The following ABHD3 variants were observed in gnomAD, a reference collection of about 807,000 sequenced individuals.
ABHD3 encodes phospholipase ABHD3.
ABHD3 carries 46 observed loss-of-function variants against 48.8 expected under a neutral mutation model. That is an observed-to-expected ratio of 0.94 (90% CI 0.74 to 1.20). ABHD3 has a LOEUF of 1.20. ABHD3 is among the 50% of genes most tolerant of loss of function. The pLI, the probability that ABHD3 is intolerant of heterozygous loss-of-function variation, is 0.00. For synonymous variants in ABHD3, 192 were observed against 183.7 expected (o/e 1.04, Z -0.36); for missense variants, 490 against 497.8 (o/e 0.98, Z 0.15).
At chr18:21,652,165 A>G (rs1259102313) in intron 8 of ABHD3, among the ~76,000 whole-genome samples, 1 of 152,142 alleles carries the variant, frequency 6.6e-6, no homozygotes, top group East Asian at 1.9e-4. Flanking sequence ...TCTTTGTGAG[A>G]GTTAGAAATT....
chr18:21,658,005 C>G (rs953287808), intron 6 of ABHD3, among the ~76,000 whole-genome samples: 3 of 152,066 alleles, frequency 2.0e-5, no homozygotes, highest in Non-Finnish European at 2.9e-5. Flanking sequence ...AGAGACCAGC[C>G]TGGGCAACAT....
intron 5 of ABHD3, among the ~76,000 whole-genome samples, chr18:21,660,461 A>G (rs2039466497): frequency 6.6e-6 from 1 of 152,128 alleles, no homozygotes; most frequent in Non-Finnish European, 1.5e-5. Flanking sequence ...TTGTTCTACT[A>G]ATTTTCTTGA....
At chr18:21,657,492 C>T (rs1267476706) in intron 6 of ABHD3, among the ~76,000 whole-genome samples, 1 of 151,906 alleles carries the variant, frequency 6.6e-6, no homozygotes, top group Non-Finnish European at 1.5e-5. Flanking sequence ...GTGTGCACCA[C>T]CACACCCCAC....
At chr18:21,661,102 T>TAAAAAAAAAAAAAAAAAAAAAAAAAACA (rs35710540) in intron 5 of ABHD3, among the ~76,000 whole-genome samples, 1 of 57,226 alleles carries the variant, frequency 1.7e-5, no homozygotes, top group Non-Finnish European at 3.2e-5. Context: ...AACTACAAGC[T>TAAAAAAAAAAAAAAAAAAAAAAAAAACA]AAAAAAAAAA....
rs1251791556 is a variant in ABHD3 at position 21,664,243 on chromosome 18, A to T, written c.556-13T>A. ...AAGTCCTTGGCGTCTGGAAGTAGTG[A>T]CAAGTAAAGCACAAAAATTACAATG... is the stretch of plus-strand genomic sequence containing the variant. On this transcript the variant is annotated splice_polypyrimidine_tract_variant and intron_variant, in intron 4 of 8. Transcript: ENST00000289119. The T allele has an allele frequency of 6.2e-7, 1 of 1,601,860 alleles. No homozygotes were observed. Among genetic ancestry groups the T allele is most frequent in the Admixed American group, 1.8e-5 (1 of 56,062 alleles).
chr18:21,661,508 G>A (rs745976837), intron 5 of ABHD3, among the ~76,000 whole-genome samples: 1 of 151,776 alleles, frequency 6.6e-6, no homozygotes, highest in Non-Finnish European at 1.5e-5. Flanking sequence ...GTGGGCGCCC[G>A]TAATCCTAGC....
chr18:21,673,781 G>C (rs903774835), intron 4 of ABHD3: 1 of 150,796 alleles, frequency 6.6e-6, no homozygotes, highest in Admixed American at 6.6e-5. Context: ...AATTTTTGTA[G>C]TTTTAGTAGA....
intron 8 of ABHD3, among the ~76,000 whole-genome samples, chr18:21,652,477 A>G (rs1568132953): frequency 6.6e-6 from 1 of 152,138 alleles, no homozygotes; most frequent in Non-Finnish European, 1.5e-5. Flanking sequence ...AGAGAAAGAA[A>G]AAAGAAAGAA....
At chr18:21,654,903 T>C (rs2039308747) in intron 8 of ABHD3, 1 of 152,224 alleles carries the variant, frequency 6.6e-6, no homozygotes, top group Non-Finnish European at 1.5e-5. Context: ...GTTAAAATGT[T>C]GGGAACTTTT....
At chr18:21,703,778 CCAGAG>C (rs1452497291) in intron 1 of ABHD3, 31 bp from the exon 2 acceptor site, 1 of 1,597,062 alleles carries the variant, frequency 6.3e-7, no homozygotes, top group African/African-American at 1.3e-5. Context: ...AGAGAAGGGC[CCAGAG>C]CAAAGTTTCT....
Position 21,704,448 on chromosome 18 carries a change from C to T in ABHD3, c.162+56G>A, listed in dbSNP as rs1030956013. 3.9e-6 allele frequency: 5 copies of T among 1,272,470 alleles called. No individual in the cohort carries two copies. The African/African-American group carries it at 4.7e-5, about 12-fold the overall frequency. 78.8% of individuals were successfully genotyped at this position (1,272,470 alleles called of 1,614,324 possible). On this transcript the variant is annotated intron_variant, in intron 1 of 8. Transcript: ENST00000289119. ...CTGGCCGCGCAGCCTCGCGCCGCGC[C>T]TGCTACCCTAGCTCCTGGCCCAGCA...
intron 8 of ABHD3, among the ~76,000 whole-genome samples, chr18:21,655,283 A>C (rs890767922): frequency 4.8e-5 from 7 of 147,000 alleles, no homozygotes; most frequent in Non-Finnish European, 8.9e-5. Context: ...AGAGAGAAAA[A>C]GTTTTTTTTT....
chr18:21,682,892 C>A (rs958546946), intron 4 of ABHD3: 3 of 152,156 alleles, frequency 2.0e-5, no homozygotes, highest in Non-Finnish European at 4.4e-5. Flanking sequence ...AATGAGAAAA[C>A]GTGAACCTTC....
rs958148489 is a variant in ABHD3, at chr18:21,704,475, C to T, written c.162+29G>A. The T allele has an allele frequency of 6.6e-6, 9 of 1,355,624 alleles. No individual in the cohort carries two copies. The African/African-American group carries it at 1.4e-4, about 21-fold the overall frequency. The allele number at this position is 1,355,624 out of a possible 1,614,324, so 84.0% of individuals were successfully genotyped here. A position where few individuals can be genotyped will look rare whatever the true frequency, so the allele number is the denominator to read the frequency against. On this transcript the variant is annotated intron_variant, in intron 1 of 8. Coordinates refer to ENST00000289119, the MANE Select transcript of ABHD3 (RefSeq NM_138340.5). ...GCTACCCTAGCTCCTGGCCCAGCAG[C>T]CCGCGGCCCTGCGCCACCCCCGGCT...
At chr18:21,661,102 T>TAAAAAAAAAAAAAAA (rs35710540) in intron 5 of ABHD3, among the ~76,000 whole-genome samples, 1 of 57,222 alleles carries the variant, frequency 1.7e-5, no homozygotes, top group Non-Finnish European at 3.2e-5. Context: ...AACTACAAGC[T>TAAAAAAAAAAAAAAA]AAAAAAAAAA....
chr18:21,687,543 A>C (rs1447858486), intron 3 of ABHD3, among the ~76,000 whole-genome samples: 1 of 152,104 alleles, frequency 6.6e-6, no homozygotes, highest in Non-Finnish European at 1.5e-5. Flanking sequence ...AGTTCTCTCC[A>C]ATTAATTTTT....
At chr18:21,690,448 A>G (rs899588231) in intron 3 of ABHD3, among the ~76,000 whole-genome samples, 1 of 151,654 alleles carries the variant, frequency 6.6e-6, no homozygotes, top group Admixed American at 6.6e-5. Context: ...CTAAAAATAC[A>G]AAAATTAGCC....
chr18:21,669,081 A>C (rs1216674405), intron 4 of ABHD3, among the ~76,000 whole-genome samples: 7 of 152,030 alleles, frequency 4.6e-5, no homozygotes, highest in South Asian at 2.1e-4. Flanking sequence ...ACAACAACAA[A>C]AAAAACCCAC....
At chr18:21,688,566 C>G (rs2040177434) in intron 3 of ABHD3, among the ~76,000 whole-genome samples, 1 of 151,756 alleles carries the variant, frequency 6.6e-6, no homozygotes, top group Non-Finnish European at 1.5e-5. Flanking sequence ...GGTTCCTGGC[C>G]TCAAGGAGGG....
Sources: gnomAD v4.1 joint callset for allele counts (sites outside exome capture counted in the v4.1 genomes callset) on GRCh38, gnomAD v4.1.1 for gene constraint, MANE v1.5 for transcripts, NCBI Gene and HGNC (gene_info 2026-07-23, HGNC 2026-07-21) for gene names.